Variants in ULK4 observed in about 807,000 individuals in gnomAD.
ULK4 encodes inactive serine/threonine-protein kinase ULK4.
ULK4 carries 133 observed loss-of-function variants against 160.6 expected under a neutral mutation model. The ratio of observed to expected loss-of-function variants is 0.83; its 90% CI spans 0.72 to 0.96. The LOEUF is 0.96. ULK4 is among the 40% of genes least tolerant of loss of function. The pLI, the probability that ULK4 is intolerant of heterozygous loss-of-function variation, is 0.00. For synonymous variants in ULK4, 534 were observed against 539.8 expected, an observed-to-expected ratio of 0.99 and a Z score of 0.15; for missense variants, 1,580 against 1,499.5, an observed-to-expected ratio of 1.05 and a Z score of -0.89.
At chr3:41,297,900 T>C (rs1487646120) in intron 35 of ULK4, among the ~76,000 whole-genome samples, 1 of 152,240 alleles carries the variant, frequency 6.6e-6, no homozygotes, top group East Asian at 1.9e-4. Context: ...TCACAAAGGA[T>C]GATGCTTTCC....
At chr3:41,772,630 C>A (rs1367915485) in intron 21 of ULK4, among the ~76,000 whole-genome samples, 1 of 152,172 alleles carries the variant, frequency 6.6e-6, no homozygotes, top group Non-Finnish European at 1.5e-5. Flanking sequence ...CAGCCGAATT[C>A]TACCAGAGGT....
intron 35 of ULK4, among the ~76,000 whole-genome samples, chr3:41,250,370 G>A (rs531110295): frequency 6.6e-6 from 1 of 152,218 alleles, no homozygotes; most frequent in Admixed American, 6.5e-5. Context: ...ATAAACGCTT[G>A]TATGGCACTT....
chr3:41,595,177 G>A (rs1005181144), intron 31 of ULK4, among the ~76,000 whole-genome samples: 8 of 152,070 alleles, frequency 5.3e-5, no homozygotes, highest in African/African-American at 1.9e-4. Flanking sequence ...TTTAAACAAG[G>A]GGCTCTACAG....
rs183831849 is a variant in ULK4, at chr3:41,739,243, C to G, written c.2321+15118G>C. Reference sequence around the variant, plus strand: ...AAAATATAGCAGTAAATTGCATGAACAGTGGCTTAGATTCCTTCAACACAT... The same window carrying G: ...AAAATATAGCAGTAAATTGCATGAAGAGTGGCTTAGATTCCTTCAACACAT... On this transcript the variant is annotated intron_variant, in intron 22 of 36. Coordinates refer to ENST00000301831, the MANE Select transcript of ULK4 (RefSeq NM_017886.4). 8.6e-4 allele frequency among the ~76,000 whole-genome samples: 131 copies of G among 151,964 alleles called. 3 individuals are homozygous for G. The highest frequency in any genetic ancestry group is 3.1e-3 in the African/African-American group (128 of 41,278).
Position 41,841,720 on chromosome 3 carries a change from AAG to A in ULK4, c.1657-5751_1657-5750del, listed in dbSNP as rs2041933112. ...GAAAAGGGGAAATGTGGGGAAAAGA[AAG>A]AGAGATCAGATTGTTACTGTGTCTG... On this transcript the variant is annotated intron_variant, in intron 17 of 36. Transcript: ENST00000301831. 6.6e-5 allele frequency among the ~76,000 whole-genome samples: 10 copies of A among 152,258 alleles called. No individual in the cohort carries two copies. In the South Asian group the frequency reaches 1.9e-3, roughly 28 times the overall value.
chr3:41,854,800 T>G (rs1178353656), intron 17 of ULK4: 1 of 151,958 alleles, frequency 6.6e-6, no homozygotes, highest in Non-Finnish European at 1.5e-5. Context: ...ATCATGTGAC[T>G]GAGCACTGAA....
intron 30 of ULK4, among the ~76,000 whole-genome samples, chr3:41,622,443 T>C (rs574196619): frequency 1.3e-5 from 2 of 152,248 alleles, no homozygotes; most frequent in East Asian, 3.9e-4. Context: ...GTTTGTGTCC[T>C]TTGCAGGGAC....
chr3:41,352,470 G>A (rs189524790), intron 35 of ULK4, among the ~76,000 whole-genome samples: 2 of 152,320 alleles, frequency 1.3e-5, no homozygotes, highest in East Asian at 3.9e-4. Context: ...TTCTCATGGA[G>A]GAATTAGCCA....
intron 30 of ULK4, among the ~76,000 whole-genome samples, chr3:41,626,758 C>CCTCGT (rs11281218): frequency 0.062 from 9,436 of 152,000 alleles, 431 homozygotes; most frequent in African/African-American, 0.13. Flanking sequence ...GATCTCCTAA[C>CCTCGT]CTCGTGATCC....
intron 34 of ULK4, among the ~76,000 whole-genome samples, chr3:41,428,148 T>TG (rs138853016): frequency 0.16 from 24,956 of 151,968 alleles, 2,168 homozygotes; most frequent in Admixed American, 0.21. Context: ...AACCAAATCA[T>TG]AATGAACTCT....
intron 35 of ULK4, among the ~76,000 whole-genome samples, chr3:41,254,253 G>T (rs529639082): frequency 1.3e-5 from 2 of 152,190 alleles, no homozygotes; most frequent in African/African-American, 2.4e-5. Flanking sequence ...GTCATAAAAC[G>T]TATCTTAACA....
At chr3:41,913,037 C>T (rs1016889304) in intron 8 of ULK4, 138 bp from the exon 9 acceptor site, 4 of 681,200 alleles carry the variant, frequency 5.9e-6, no homozygotes, top group Non-Finnish European at 9.7e-6. Context: ...TTTATTATTT[C>T]ATTTTTGTAT....
chr3:41,736,174 C>A (rs919119035), intron 22 of ULK4, among the ~76,000 whole-genome samples: 2 of 151,568 alleles, frequency 1.3e-5, no homozygotes, highest in African/African-American at 4.9e-5. Context: ...GTCTTTATAG[C>A]AGCATGATTT....
chr3:41,611,094 A>G (rs974355117), intron 31 of ULK4, among the ~76,000 whole-genome samples: 7 of 152,334 alleles, frequency 4.6e-5, no homozygotes, highest in Middle Eastern at 6.8e-3. Context: ...AAGCCAAGAC[A>G]ATGGACTCTT....
chr3:41,835,464 A>C (rs2041726149), intron 18 of ULK4, among the ~76,000 whole-genome samples: 1 of 152,224 alleles, frequency 6.6e-6, no homozygotes, highest in Non-Finnish European at 1.5e-5. Context: ...TAGTCAGTTA[A>C]AAGCTGTATT....
chr3:41,673,205 T>C (rs963194072), intron 29 of ULK4, among the ~76,000 whole-genome samples: 3 of 152,164 alleles, frequency 2.0e-5, no homozygotes, highest in Non-Finnish European at 4.4e-5. Flanking sequence ...TCCTTTCTAT[T>C]ATGATTCTTA....
intron 34 of ULK4, among the ~76,000 whole-genome samples, chr3:41,449,997 A>T (rs2083389913): frequency 6.6e-6 from 1 of 151,038 alleles, no homozygotes; most frequent in Non-Finnish European, 1.5e-5. Context: ...AAACAGAACA[A>T]TATAAATTAG....
At chr3:41,286,593 G>C (rs1167078735) in intron 35 of ULK4, among the ~76,000 whole-genome samples, 1 of 152,088 alleles carries the variant, frequency 6.6e-6, no homozygotes, top group African/African-American at 2.4e-5. Flanking sequence ...CTTCTCCAGG[G>C]CCCCGCCAGC....
intron 27 of ULK4, among the ~76,000 whole-genome samples, chr3:41,704,241 C>A (rs2036785894): frequency 6.6e-6 from 1 of 152,136 alleles, no homozygotes; most frequent in South Asian, 2.1e-4. Context: ...GGACAGAACA[C>A]TGGAAACAGG....
Sources: gnomAD v4.1 joint callset for allele counts (sites outside exome capture counted in the v4.1 genomes callset) on GRCh38, gnomAD v4.1.1 for gene constraint, MANE v1.5 for transcripts, NCBI Gene and HGNC (gene_info 2026-07-23, HGNC 2026-07-21) for gene names.